NECTIN1: variants seen among roughly 807,000 people sequenced by gnomAD.
The protein encoded by NECTIN1 is nectin-1.
NECTIN1 carries 23 observed loss-of-function variants against 48.0 expected under a neutral mutation model. The observed-to-expected ratio is 0.48, with a 90% CI of 0.34 to 0.68. The LOEUF (loss-of-function observed/expected upper bound fraction) is 0.68. Among genes scored for constraint, NECTIN1 ranks in the 30% least tolerant of loss-of-function variants. NECTIN1 has a pLI of 0.01. For missense variants in NECTIN1, 591 were observed against 709.9 expected (o/e 0.83, Z 1.90); for synonymous variants, 270 against 288.9 (o/e 0.93, Z 0.66).
chr11:119,701,861 T>G (rs885429), intron 1 of NECTIN1, among the ~76,000 whole-genome samples: 92,451 of 151,990 alleles, frequency 0.61, 28,497 homozygotes, highest in South Asian at 0.67. Context: ...TCCGCCTCAC[T>G]GGCTCCCGCC....
At chr11:119,703,067 T>C (rs571157200) in intron 1 of NECTIN1, among the ~76,000 whole-genome samples, 2 of 152,324 alleles carry the variant, frequency 1.3e-5, no homozygotes, top group African/African-American at 4.8e-5. Context: ...AGAACATGCA[T>C]GGCACCTGTT....
chr11:119,678,521 A>G lies in NECTIN1; in HGVS notation c.324T>C (p.Thr108=). The G allele has an allele frequency of 6.2e-7, 1 of 1,614,220 alleles. No individual in the cohort carries two copies. Among genetic ancestry groups the G allele is most frequent in the Non-Finnish European group, 8.5e-7 (1 of 1,180,038 alleles). ...EFLRPSFTDG[T]IRLSRLELED... ...CCAGCTCCAGGCGGGAGAGGCGGAT[A>G]GTGCCATCGGTGAAGGAGGGCCGCA... Residue 108 remains threonine, a synonymous_variant, in exon 2 of 6, where the codon ACT becomes ACC. Coordinates refer to ENST00000264025, the MANE Select transcript of NECTIN1 (RefSeq NM_002855.5). This position sits in a 1 kb window ranked among gnomAD's most constrained non-coding sequence, Gnocchi z 4.4.
chr11:119,670,110 C>A (rs191264959), intron 5 of NECTIN1, among the ~76,000 whole-genome samples: 2 of 152,008 alleles, frequency 1.3e-5, no homozygotes, highest in African/African-American at 4.8e-5. Context: ...AGGCATGTGC[C>A]ACCACACCCG....
intron 5 of NECTIN1, among the ~76,000 whole-genome samples, chr11:119,649,869 A>T (rs188867355): frequency 8.2e-4 from 125 of 152,288 alleles, no homozygotes; most frequent in Middle Eastern, 6.8e-3. Flanking sequence ...TCAGGAGGAA[A>T]TGAAGTTCTG....
intron 5 of NECTIN1, among the ~76,000 whole-genome samples, chr11:119,648,325 G>GTGGTGGTGGTGGTGGTGGTGA (rs1864436445): frequency 5.5e-5 from 1 of 18,142 alleles, no homozygotes; most frequent in Non-Finnish European, 1.1e-4. Flanking sequence ...GATGGTGATG[G>GTGGTGGTGGTGGTGGTGGTGA]TGGTGATGGT....
At chr11:119,660,103 G>A (rs956040315), downstream of NECTIN1, among the ~76,000 whole-genome samples, 6 of 152,186 alleles carry the variant, frequency 3.9e-5, no homozygotes, top group Non-Finnish European at 5.9e-5. Flanking sequence ...GCCCACAATG[G>A]GCAGGAGGGT....
At chr11:119,643,540 C>A (rs1371211707) in intron 5 of NECTIN1, among the ~76,000 whole-genome samples, 1 of 152,220 alleles carries the variant, frequency 6.6e-6, no homozygotes, top group Non-Finnish European at 1.5e-5. Context: ...TTGGCATGGG[C>A]CTGCCATCCC....
At position 119,674,575 on chromosome 11, in the gene NECTIN1, C is replaced by T. The variant is rs753036032; in HGVS notation, c.1003+584G>A. ...ATCAAGCCCATGCTCCTTTCACGTC[C>T]CAGGTGAAGTCTCTCCTCAGAACAT... On this transcript the variant is annotated intron_variant, in intron 5 of 5. Coordinates refer to ENST00000264025, the MANE Select transcript of NECTIN1 (RefSeq NM_002855.5). 53 of 1,614,098 alleles carry T rather than the reference C, an allele frequency of 3.3e-5. No individual in the cohort carries two copies. In the East Asian group the frequency reaches 1.2e-3, roughly 36 times the overall value.
intron 5 of NECTIN1, among the ~76,000 whole-genome samples, chr11:119,644,200 C>T (rs544697381): frequency 6.6e-6 from 1 of 152,342 alleles, no homozygotes; most frequent in Admixed American, 6.5e-5. Flanking sequence ...TCCTGTCCCT[C>T]AGACTGAGAT....
At position 119,728,849 on chromosome 11, in the gene NECTIN1, C is replaced by A. The variant is rs926519708; in HGVS notation, c.-296G>T. The A allele has an allele frequency of 6.3e-5, 20 of 318,684 alleles. No individual in the cohort carries two copies. Among genetic ancestry groups the A allele is most frequent in the South Asian group, 2.4e-4 (2 of 8,202 alleles). 19.7% of individuals were successfully genotyped at this position (318,684 alleles called of 1,614,324 possible). A position where few individuals can be genotyped will look rare whatever the true frequency, so the allele number is the denominator to read the frequency against. On this transcript the variant is annotated 5_prime_UTR_variant, in exon 1 of 6. Transcript: ENST00000264025. ...CGCCGGTCCCCGCCCTCTTCTTCCA[C>A]GCAGAGCGGGGCTGGGGAGAGGGAC... is the stretch of plus-strand genomic sequence containing the variant.
rs973858778 is a variant in NECTIN1 at position 119,662,893 on chromosome 11, C to T, written c.*1854G>A. The T allele has an allele frequency of 8.1e-6, 8 of 986,064 alleles. No individual in the cohort carries two copies. The highest frequency in any genetic ancestry group is 1.1e-4 in the East Asian group (1 of 8,822). 61.1% of individuals were successfully genotyped at this position (986,064 alleles called of 1,614,324 possible). On this transcript the variant is annotated 3_prime_UTR_variant, in exon 6 of 6. Transcript: ENST00000264025. This position sits in a 1 kb window ranked among gnomAD's most constrained non-coding sequence, Gnocchi z 5.3. Reference sequence around the variant, plus strand: ...CTGGCATGGCTTCAGACTTCTGCTACGTGGCTACTGGGCAGCCTGGGCTGG... The same window carrying T: ...CTGGCATGGCTTCAGACTTCTGCTATGTGGCTACTGGGCAGCCTGGGCTGG...
intron 1 of NECTIN1, among the ~76,000 whole-genome samples, chr11:119,690,818 CA>C (rs1289537675): frequency 6.6e-6 from 1 of 152,100 alleles, no homozygotes; most frequent in Admixed American, 6.6e-5. Flanking sequence ...AACTCGGGGA[CA>C]GGGGCAGGGA....
intron 1 of NECTIN1, among the ~76,000 whole-genome samples, chr11:119,712,739 C>T (rs890401606): frequency 1.8e-4 from 28 of 152,158 alleles, no homozygotes; most frequent in East Asian, 1.3e-3. Context: ...GGAAGCATCC[C>T]GGAGTTAGAG....
chr11:119,706,434 C>A (rs1315782914), intron 1 of NECTIN1, among the ~76,000 whole-genome samples: 1 of 152,148 alleles, frequency 6.6e-6, no homozygotes, highest in Admixed American at 6.5e-5. Flanking sequence ...CAGGAAGGAC[C>A]CATTTTCCTT....
At chr11:119,716,956 A>G (rs1451398578) in intron 1 of NECTIN1, among the ~76,000 whole-genome samples, 1 of 152,276 alleles carries the variant, frequency 6.6e-6, no homozygotes, top group Non-Finnish European at 1.5e-5. Flanking sequence ...AAACACTTGT[A>G]AAGAAACACA....
intron 1 of NECTIN1, among the ~76,000 whole-genome samples, chr11:119,694,824 C>G (rs188048422): frequency 1.1e-3 from 170 of 152,284 alleles, no homozygotes; most frequent in African/African-American, 3.9e-3. Context: ...CTGCTGCCCC[C>G]CCAGGCATCT....
At chr11:119,713,559 G>C (rs1195791855) in intron 1 of NECTIN1, 1 of 140,766 alleles carries the variant, frequency 7.1e-6, no homozygotes, top group Non-Finnish European at 1.4e-5. Flanking sequence ...GACTGTGACT[G>C]TCTCTGCCCA....
rs575859724 is a variant in NECTIN1 at position 119,665,471 on chromosome 11, C to T, written c.1004-174G>A. On this transcript the variant is annotated intron_variant, in intron 5 of 5. Coordinates refer to ENST00000264025, the MANE Select transcript of NECTIN1 (RefSeq NM_002855.5). This position sits in a 1 kb window ranked among gnomAD's most constrained non-coding sequence, Gnocchi z 5.1. ...CACTCCACCCATCCTGGAGCCCTAA[C>T]ATGCCGCAGCGTTGGTAGCTGGAGT... Among the ~76,000 whole-genome samples, 5 of 152,266 alleles carry T rather than the reference C, an allele frequency of 3.3e-5. No homozygotes were observed. In the East Asian group the frequency reaches 9.7e-4, roughly 29 times the overall value.
At chr11:119,643,670 C>A (rs980746620) in intron 5 of NECTIN1, among the ~76,000 whole-genome samples, 1 of 152,230 alleles carries the variant, frequency 6.6e-6, no homozygotes, top group African/African-American at 2.4e-5. Context: ...GTGCTGGCCC[C>A]AGCCAGAACC....
Sources: allele counts gnomAD v4.1 joint callset (sites outside exome capture counted in the v4.1 genomes callset), GRCh38; gene constraint gnomAD v4.1.1; non-coding constraint Gnocchi (gnomAD v3.1); transcripts MANE v1.5; gene names NCBI Gene and HGNC (gene_info 2026-07-23, HGNC 2026-07-21).